Variants in SPOCK1 observed in about 807,000 individuals in gnomAD.
The protein encoded by SPOCK1 is testican-1.
In SPOCK1, 23 loss-of-function variants were observed where a neutral mutation model predicts 55.3. The observed-to-expected ratio is 0.42, with a 90% CI of 0.30 to 0.59. SPOCK1 has a LOEUF of 0.59. Ranked by LOEUF, SPOCK1 falls within the 20% of genes least tolerant of loss-of-function variation. The pLI, the probability that SPOCK1 is intolerant of heterozygous loss-of-function variation, is 0.22. For synonymous variants in SPOCK1, 226 were observed against 221.0 expected, an observed-to-expected ratio of 1.02 and a Z score of -0.20; for missense variants, 499 against 552.5, an observed-to-expected ratio of 0.90 and a Z score of 0.97.
At chr5:137,475,296 C>A (rs930514469) in intron 2 of SPOCK1, among the ~76,000 whole-genome samples, 3 of 152,128 alleles carry the variant, frequency 2.0e-5, no homozygotes, top group Non-Finnish European at 4.4e-5. Flanking sequence ...GGACCCCCCT[C>A]GCCCCCAAAT....
At chr5:136,985,785 T>C (rs1341785910) in intron 8 of SPOCK1, among the ~76,000 whole-genome samples, 1 of 152,230 alleles carries the variant, frequency 6.6e-6, no homozygotes, top group Admixed American at 6.5e-5. Context: ...TCCCAGCCTC[T>C]GGGTCCTCAG....
chr5:137,172,158 A>G (rs1754766274), intron 3 of SPOCK1, among the ~76,000 whole-genome samples: 1 of 152,214 alleles, frequency 6.6e-6, no homozygotes, highest in South Asian at 2.1e-4. Context: ...TCTTCCAGAC[A>G]GACAAATAAC....
chr5:137,126,252 T>G (rs1753780731), intron 4 of SPOCK1, among the ~76,000 whole-genome samples: 1 of 152,234 alleles, frequency 6.6e-6, no homozygotes, highest in Non-Finnish European at 1.5e-5. Flanking sequence ...GCTGCTCCTC[T>G]TTGCCTTCCA....
chr5:137,416,428 A>G (rs1009238179), intron 2 of SPOCK1, among the ~76,000 whole-genome samples: 1 of 152,182 alleles, frequency 6.6e-6, no homozygotes, highest in African/African-American at 2.4e-5. Flanking sequence ...TATATATATT[A>G]GCTGCTTTTC....
chr5:137,281,440 T>TA (rs1442881761), intron 2 of SPOCK1, among the ~76,000 whole-genome samples: 1 of 152,230 alleles, frequency 6.6e-6, no homozygotes, highest in East Asian at 1.9e-4. Context: ...CCCTTATAAT[T>TA]AGCCTGTTTC....
At position 137,257,017 on chromosome 5, in the gene SPOCK1, C is replaced by T. The variant is rs554006392; in HGVS notation, c.232+9993G>A. Among the ~76,000 whole-genome samples, 4 of 152,330 alleles carry T rather than the reference C, an allele frequency of 2.6e-5. No individual in the cohort carries two copies. The South Asian group carries it at 6.2e-4, about 24-fold the overall frequency. On this transcript the variant is annotated intron_variant, in intron 3 of 10. Transcript: ENST00000394945. The stretch of plus-strand genomic sequence containing the variant: ...TGCTGACCCAAGCCCTCATAACCAT[C>T]GTCAGCTAGAGTTGGGTCAGGGCTG...
intron 3 of SPOCK1, among the ~76,000 whole-genome samples, chr5:137,234,918 T>C (rs1756146572): frequency 6.6e-6 from 1 of 152,220 alleles, no homozygotes; most frequent in Non-Finnish European, 1.5e-5. Context: ...GAGATGAACA[T>C]CTTACAACAC....
chr5:137,420,071 T>A (rs1752451597), intron 2 of SPOCK1, among the ~76,000 whole-genome samples: 1 of 152,250 alleles, frequency 6.6e-6, no homozygotes, highest in Admixed American at 6.5e-5. Flanking sequence ...TTTTTGTTGT[T>A]GGTTCTGTTT....
intron 2 of SPOCK1, among the ~76,000 whole-genome samples, chr5:137,483,966 C>A (rs1028309294): frequency 2.6e-5 from 4 of 152,134 alleles, no homozygotes; most frequent in Non-Finnish European, 4.4e-5. Context: ...GACAAGCCTG[C>A]GGTGGGAGGA....
At chr5:137,425,383 G>T (rs776683693) in intron 2 of SPOCK1, among the ~76,000 whole-genome samples, 2 of 151,916 alleles carry the variant, frequency 1.3e-5, no homozygotes, top group Non-Finnish European at 2.9e-5. Context: ...CTTTTCATCT[G>T]TGTCACGTCA....
At chr5:137,210,361 G>T (rs1231691560) in intron 3 of SPOCK1, among the ~76,000 whole-genome samples, 1 of 152,140 alleles carries the variant, frequency 6.6e-6, no homozygotes, top group Non-Finnish European at 1.5e-5. Flanking sequence ...GCTAGAACTG[G>T]ATACATTATT....
chr5:137,082,969 A>AAGCT (rs1470950476), intron 5 of SPOCK1, among the ~76,000 whole-genome samples: 3 of 152,216 alleles, frequency 2.0e-5, no homozygotes, highest in South Asian at 2.1e-4. Context: ...GATCTCCAGG[A>AAGCT]AGCTAGCTGC....
intron 2 of SPOCK1, among the ~76,000 whole-genome samples, chr5:137,470,613 T>A (rs976551218): frequency 6.6e-6 from 1 of 151,796 alleles, no homozygotes; most frequent in Non-Finnish European, 1.5e-5. Context: ...TGGTGGCTCA[T>A]GCAAGAGCCA....
chr5:137,082,912 G>A (rs796981300), intron 5 of SPOCK1, among the ~76,000 whole-genome samples: 55 of 152,232 alleles, frequency 3.6e-4, no homozygotes, highest in African/African-American at 1.1e-3. Flanking sequence ...ATGTCAGTCC[G>A]AATCCTGTGT....
chr5:137,115,459 C>T (rs1753560568), intron 4 of SPOCK1, among the ~76,000 whole-genome samples: 1 of 151,974 alleles, frequency 6.6e-6, no homozygotes, highest in African/African-American at 2.4e-5. Context: ...GGCATATGTA[C>T]TTTCATTACC....
chr5:137,262,290 T>C (rs920874752), intron 3 of SPOCK1, among the ~76,000 whole-genome samples: 2 of 152,192 alleles, frequency 1.3e-5, no homozygotes, highest in Admixed American at 6.5e-5. Context: ...CCTTTATTAT[T>C]TGCATTGAAG....
Position 137,411,674 on chromosome 5 carries a change from C to T in SPOCK1, c.186+86699G>A, listed in dbSNP as rs867738490. ...GTGCCACCTCCCCTCATGGGCCTCACTTTATCTTCTGTAAAATGGGGTTAA... is the reference window on the plus strand; with the variant it reads ...GTGCCACCTCCCCTCATGGGCCTCATTTTATCTTCTGTAAAATGGGGTTAA... On this transcript the variant is annotated intron_variant, in intron 2 of 10. Transcript: ENST00000394945. Among the ~76,000 whole-genome samples, 32 of 152,306 alleles carry T rather than the reference C, an allele frequency of 2.1e-4. 1 individual carries two copies. Among genetic ancestry groups the T allele is most frequent in the African/African-American group, 6.7e-4 (28 of 41,556 alleles).
At chr5:137,241,021 T>C (rs1756270506) in intron 3 of SPOCK1, among the ~76,000 whole-genome samples, 1 of 152,282 alleles carries the variant, frequency 6.6e-6, no homozygotes, top group Non-Finnish European at 1.5e-5. Flanking sequence ...ATCTAAAGAA[T>C]AAAGTTGGTT....
intron 5 of SPOCK1, among the ~76,000 whole-genome samples, chr5:137,071,518 G>T (rs1277744610): frequency 6.6e-6 from 1 of 152,056 alleles, no homozygotes; most frequent in Non-Finnish European, 1.5e-5. Flanking sequence ...AGATTCTGAG[G>T]CTTTTGTTCT....
Sources: gnomAD v4.1 joint callset for allele counts (sites outside exome capture counted in the v4.1 genomes callset) on GRCh38, gnomAD v4.1.1 for gene constraint, MANE v1.5 for transcripts, NCBI Gene and HGNC (gene_info 2026-07-23, HGNC 2026-07-21) for gene names.